DPP4: variants seen among roughly 807,000 people sequenced by gnomAD.
DPP4 encodes the protein ADCP-2.
Under a neutral mutation model 122.4 loss-of-function variants are expected in DPP4, and 93 were observed. That is an observed-to-expected ratio of 0.76 (90% CI 0.64 to 0.90). DPP4 has a LOEUF of 0.90. Among genes scored for constraint, DPP4 ranks in the 40% least tolerant of loss-of-function variants. The pLI is 0.00. For missense variants in DPP4, 914 were observed against 907.3 expected (o/e 1.01, Z -0.09); for synonymous variants, 321 against 302.9 (o/e 1.06, Z -0.62).
intron 25 of DPP4, among the ~76,000 whole-genome samples, chr2:161,994,121 A>G (rs1700933734): frequency 6.6e-6 from 1 of 152,238 alleles, no homozygotes; most frequent in South Asian, 2.1e-4. Context: ...ACATAAGTTA[A>G]CTTTAAAAAA....
intron 11 of DPP4, 128 bp from the exon 12 acceptor site, chr2:162,022,927 C>A: frequency 1.1e-6 from 1 of 936,908 alleles, no homozygotes; most frequent in Non-Finnish European, 1.7e-6. Flanking sequence ...TCATATATTT[C>A]TATTTATGTT....
At chr2:161,999,610 T>C (rs1400300152) in intron 23 of DPP4, among the ~76,000 whole-genome samples, 6 of 152,156 alleles carry the variant, frequency 3.9e-5, no homozygotes, top group African/African-American at 1.4e-4. Flanking sequence ...TTTCCTTCAG[T>C]CCCCAAGAAG....
At chr2:162,041,543 A>G (rs915111428) in intron 5 of DPP4, among the ~76,000 whole-genome samples, 1 of 152,126 alleles carries the variant, frequency 6.6e-6, no homozygotes, top group Non-Finnish European at 1.5e-5. Flanking sequence ...ATGTCAACAA[A>G]TATTTATTAA....
chr2:162,001,284 G>T (rs1046114366), intron 23 of DPP4, among the ~76,000 whole-genome samples: 3 of 152,130 alleles, frequency 2.0e-5, no homozygotes, highest in African/African-American at 7.2e-5. Flanking sequence ...CTTAATAAAT[G>T]AATGAAAACA....
rs144186033 is a variant in DPP4, at chr2:162,045,537, C to T, written c.361G>A (p.Val121Met). ...GQFILLEYNYVKQWRHSYTAS... is the reference protein window; with the variant it reads ...GQFILLEYNYMKQWRHSYTAS... ...TAAGAAAGCATTTATTTTACCTTCA[C>T]GTAGTTGTATTCTAAGAGAATAAAC... Residue 121 changes from valine to methionine, a missense_variant, in exon 5 of 26, where the codon GTG (valine) becomes ATG (methionine). Val to Met is a conservative substitution (Grantham distance 21). Transcript: ENST00000360534. 2.9e-5 allele frequency: 46 copies of T among 1,604,426 alleles called. No individual in the cohort carries two copies. Among genetic ancestry groups the T allele is most frequent in the East Asian group, 8.9e-5 (4 of 44,796 alleles).
intron 22 of DPP4, among the ~76,000 whole-genome samples, chr2:162,006,967 T>A (rs1419420908): frequency 6.6e-6 from 1 of 152,140 alleles, no homozygotes; most frequent in Non-Finnish European, 1.5e-5. Flanking sequence ...TTTGAATGAC[T>A]GGTATTGTAG....
chr2:162,039,548 G>A (rs548641201), intron 5 of DPP4, among the ~76,000 whole-genome samples: 14 of 152,178 alleles, frequency 9.2e-5, no homozygotes, highest in Admixed American at 3.3e-4. Context: ...AGATTTAAAC[G>A]ATATATGATG....
intron 2 of DPP4, among the ~76,000 whole-genome samples, chr2:162,068,797 T>C (rs1014942081): frequency 1.3e-5 from 2 of 152,164 alleles, no homozygotes; most frequent in African/African-American, 2.4e-5. Flanking sequence ...CAGCTTTATA[T>C]AGGAATGAAG....
At chr2:162,071,435 A>G (rs970746855) in intron 2 of DPP4, among the ~76,000 whole-genome samples, 1 of 152,128 alleles carries the variant, frequency 6.6e-6, no homozygotes, top group African/African-American at 2.4e-5. Context: ...TGAGGTCAGG[A>G]GATAAAGACC....
At chr2:162,000,102 C>G (rs929290065) in intron 23 of DPP4, among the ~76,000 whole-genome samples, 1 of 152,108 alleles carries the variant, frequency 6.6e-6, no homozygotes, top group Non-Finnish European at 1.5e-5. Context: ...TTTATAAGAT[C>G]TTATAGAAAG....
At chr2:162,055,389 T>C (rs528498729) in intron 2 of DPP4, among the ~76,000 whole-genome samples, 20 of 152,300 alleles carry the variant, frequency 1.3e-4, no homozygotes, top group Middle Eastern at 3.4e-3. Flanking sequence ...CAGATTTACC[T>C]TGTCAACAAT....
intron 10 of DPP4, 43 bp from the exon 11 acceptor site, chr2:162,024,982 C>T (rs768492104): frequency 3.1e-6 from 5 of 1,602,406 alleles, no homozygotes; most frequent in Admixed American, 1.7e-5. Flanking sequence ...AGAGAATGAA[C>T]ATGACTATTG....
chr2:162,044,702 C>T lies in DPP4; in HGVS notation c.366+830G>A, dbSNP rs111285839. Among the ~76,000 whole-genome samples the T allele has an allele frequency of 4.0e-3, 602 of 152,272 alleles. 5 individuals carry two copies. Among genetic ancestry groups the T allele is most frequent in the African/African-American group, 0.014 (587 of 41,556 alleles). ...AGCTGTAGTTAAAGTTATGGCCACC[C>T]ATATCCATCCTAAACATGAAGAGGA... On this transcript the variant is annotated intron_variant, in intron 5 of 25. Coordinates refer to ENST00000360534, the MANE Select transcript of DPP4 (RefSeq NM_001935.4).
Position 162,045,528 on chromosome 2 carries a change from T to G in DPP4, c.366+4A>C. 1 of 1,596,194 alleles carries G rather than the reference T, an allele frequency of 6.3e-7. No individual in the cohort carries two copies. Among genetic ancestry groups the G allele is most frequent in the Non-Finnish European group, 8.6e-7 (1 of 1,164,062 alleles). Reference sequence around the variant, plus strand: ...ATGTTACAGTAAGAAAGCATTTATTTTACCTTCACGTAGTTGTATTCTAAG... The same window carrying G: ...ATGTTACAGTAAGAAAGCATTTATTGTACCTTCACGTAGTTGTATTCTAAG... On this transcript the variant is annotated splice_donor_region_variant and intron_variant, in intron 5 of 25. Coordinates refer to ENST00000360534, the MANE Select transcript of DPP4 (RefSeq NM_001935.4).
intron 22 of DPP4, 36 bp from the exon 23 acceptor site, chr2:162,005,845 C>T (rs779481709): frequency 9.7e-6 from 15 of 1,554,046 alleles, no homozygotes; most frequent in Non-Finnish European, 7.0e-6. Context: ...AAGTTTAATT[C>T]ATACAATAAC....
intron 25 of DPP4, 31 bp from the exon 26 acceptor site, chr2:161,993,415 A>G (rs1283719553): frequency 6.7e-7 from 1 of 1,493,798 alleles, no homozygotes. Context: ...AGTTAGAATT[A>G]GGAAGTCAGT....
At chr2:162,034,141 A>G (rs1576053912) in intron 9 of DPP4, among the ~76,000 whole-genome samples, 2 of 152,156 alleles carry the variant, frequency 1.3e-5, no homozygotes, top group East Asian at 3.9e-4. Flanking sequence ...GGTGTCAATT[A>G]GGAAGCCATC....
At chr2:162,027,062 A>G (rs548337831) in intron 10 of DPP4, among the ~76,000 whole-genome samples, 7 of 152,306 alleles carry the variant, frequency 4.6e-5, no homozygotes, top group African/African-American at 1.7e-4. Context: ...ACTTTCATGT[A>G]TAATGAAATA....
rs777872207 is a variant in DPP4, at chr2:162,019,286, GA to G, written c.1245-11del. 1.0e-4 allele frequency: 150 copies of G among 1,458,646 alleles called. No homozygotes were observed. Among genetic ancestry groups the G allele is most frequent in the Non-Finnish European group, 1.4e-4 (144 of 1,055,926 alleles). 90.4% of individuals were successfully genotyped at this position (1,458,646 alleles called of 1,614,324 possible). ...ATTACTAATGTAGTATCTAGGAAGA[GA>G]AAAAAATGAAATATATATTAATTAT... On this transcript the variant is annotated splice_polypyrimidine_tract_variant and intron_variant, in intron 14 of 25. Transcript: ENST00000360534.
Sources: allele counts gnomAD v4.1 joint callset (sites outside exome capture counted in the v4.1 genomes callset), GRCh38; gene constraint gnomAD v4.1.1; transcripts MANE v1.5; gene names NCBI Gene and HGNC (gene_info 2026-07-23, HGNC 2026-07-21).